Variants in NRG1 observed in about 807,000 individuals in gnomAD.
The protein encoded by NRG1 is pro-neuregulin-1, membrane-bound isoform.
Under a neutral mutation model 63.8 loss-of-function variants are expected in NRG1, and 18 were observed. The observed-to-expected ratio is 0.28, with a 90% CI of 0.19 to 0.42. NRG1 has a LOEUF of 0.42. Ranked by LOEUF, NRG1 falls within the 10% of genes least tolerant of loss-of-function variation. The pLI is 1.00. For missense variants in NRG1, 762 were observed against 814.7 expected (o/e 0.94, Z 0.79); for synonymous variants, 302 against 301.3 (o/e 1.00, Z -0.02).
chr8:31,848,866 A>G (rs940848553), intron 1 of NRG1, among the ~76,000 whole-genome samples: 1 of 152,190 alleles, frequency 6.6e-6, no homozygotes, highest in Non-Finnish European at 1.5e-5. Context: ...ACTTCATTAT[A>G]TATCACAATG....
chr8:32,155,423 G>T (rs559411348), intron 1 of NRG1, among the ~76,000 whole-genome samples: 26 of 152,020 alleles, frequency 1.7e-4, no homozygotes, highest in Non-Finnish European at 2.4e-4. Flanking sequence ...TTTCCAAGAT[G>T]AAAGGGAGAA....
At chr8:32,702,512 A>C (rs1043067833) in intron 5 of NRG1, among the ~76,000 whole-genome samples, 2 of 152,102 alleles carry the variant, frequency 1.3e-5, no homozygotes, top group Non-Finnish European at 2.9e-5. Context: ...TTTGAGGAGG[A>C]GTCTCGCCTT....
intron 5 of NRG1, among the ~76,000 whole-genome samples, chr8:32,667,316 T>C (rs1350821433): frequency 1.3e-5 from 2 of 152,226 alleles, no homozygotes; most frequent in Non-Finnish European, 2.9e-5. Flanking sequence ...AAAATGTCCT[T>C]ATATGGCACG....
chr8:32,479,810 C>T (rs1825015013), intron 1 of NRG1, among the ~76,000 whole-genome samples: 1 of 151,944 alleles, frequency 6.6e-6, no homozygotes, highest in African/African-American at 2.4e-5. Flanking sequence ...TCACCATGCC[C>T]AGCTAATTTT....
intron 1 of NRG1, among the ~76,000 whole-genome samples, chr8:32,579,195 C>CTTTT (rs71208196): frequency 9.4e-4 from 99 of 105,362 alleles, no homozygotes; most frequent in African/African-American, 1.8e-3. Context: ...TTTCTTCTGT[C>CTTTT]TTTTTTTTTT....
chr8:32,053,499 AC>A (rs1200369192), intron 1 of NRG1, among the ~76,000 whole-genome samples: 1 of 152,120 alleles, frequency 6.6e-6, no homozygotes, highest in Non-Finnish European at 1.5e-5. Context: ...GGACTTAACA[AC>A]CAGGATGAGG....
intron 1 of NRG1, among the ~76,000 whole-genome samples, chr8:32,512,149 AG>A (rs146311243): frequency 6.6e-6 from 1 of 150,946 alleles, no homozygotes; most frequent in Non-Finnish European, 1.5e-5. Flanking sequence ...AGGGGGATGG[AG>A]GGGGGAAGCT....
chr8:32,218,635 A>T (rs1350035657), intron 1 of NRG1, among the ~76,000 whole-genome samples: 2 of 152,202 alleles, frequency 1.3e-5, no homozygotes, highest in Non-Finnish European at 2.9e-5. Flanking sequence ...AGCGGCTTTC[A>T]TACTCTGAAA....
intron 1 of NRG1, among the ~76,000 whole-genome samples, chr8:32,322,355 T>TTATATATATA (rs149742517): frequency 3.8e-4 from 54 of 142,658 alleles, no homozygotes; most frequent in East Asian, 1.8e-3. Flanking sequence ...CAACCTTATT[T>TTATATATATA]TATATATATA....
chr8:31,978,660 C>T (rs181607970), intron 1 of NRG1, among the ~76,000 whole-genome samples: 1 of 151,976 alleles, frequency 6.6e-6, no homozygotes, highest in Non-Finnish European at 1.5e-5. Flanking sequence ...GGATATTTCC[C>T]TCAATCTAAA....
chr8:32,612,501 A>G (rs563369823), intron 3 of NRG1, among the ~76,000 whole-genome samples: 2 of 152,200 alleles, frequency 1.3e-5, no homozygotes, highest in Admixed American at 1.3e-4. Flanking sequence ...GGTCTCCAAG[A>G]TAAATACCTG....
At chr8:32,647,904 G>C (rs1367624728) in intron 5 of NRG1, 3 of 1,614,046 alleles carry the variant, frequency 1.9e-6, no homozygotes, top group Non-Finnish European at 2.5e-6. Flanking sequence ...TGCGTGCCTA[G>C]AAGCTGAGCG....
At chr8:31,875,034 A>G (rs1829797199) in intron 1 of NRG1, among the ~76,000 whole-genome samples, 1 of 152,210 alleles carries the variant, frequency 6.6e-6, no homozygotes, top group Non-Finnish European at 1.5e-5. Context: ...CATAGTTGCC[A>G]GCACCCTTTT....
chr8:31,816,498 T>C (rs757323221), intron 1 of NRG1, among the ~76,000 whole-genome samples: 4 of 152,248 alleles, frequency 2.6e-5, no homozygotes, highest in African/African-American at 4.8e-5. Context: ...TACAAGCATA[T>C]GAATTTCCAT....
chr8:31,999,816 T>G (rs1181417570), intron 1 of NRG1, among the ~76,000 whole-genome samples: 1 of 151,796 alleles, frequency 6.6e-6, no homozygotes, highest in Non-Finnish European at 1.5e-5. Flanking sequence ...TATAGGAAAA[T>G]TAAAGGCCAT....
chr8:31,858,500 A>G (rs183696803), intron 1 of NRG1, among the ~76,000 whole-genome samples: 77 of 152,270 alleles, frequency 5.1e-4, no homozygotes, highest in Admixed American at 1.1e-3. Context: ...TTTCTCAATC[A>G]GATTGTTACT....
intron 1 of NRG1, among the ~76,000 whole-genome samples, chr8:32,158,431 C>CTTTG (rs1838391963): frequency 1.5e-5 from 1 of 65,732 alleles, no homozygotes; most frequent in African/African-American, 4.4e-5. Flanking sequence ...GTTCGTTTCT[C>CTTTG]TTTGTTTGGT....
intron 1 of NRG1, among the ~76,000 whole-genome samples, chr8:32,037,798 G>C (rs542286377): frequency 1.5e-4 from 23 of 152,334 alleles, no homozygotes; most frequent in African/African-American, 5.5e-4. Context: ...AAAAACGGCT[G>C]ACTGGAGCAG....
At chr8:31,755,763 A>G (rs113806444) in intron 1 of NRG1, among the ~76,000 whole-genome samples, 5 of 152,226 alleles carry the variant, frequency 3.3e-5, no homozygotes, top group African/African-American at 1.2e-4. Flanking sequence ...GTCCACTGTT[A>G]TGAGAGAGAG....
Sources: gnomAD v4.1 joint callset for allele counts (sites outside exome capture counted in the v4.1 genomes callset) on GRCh38, gnomAD v4.1.1 for gene constraint, MANE v1.5 for transcripts, NCBI Gene and HGNC (gene_info 2026-07-23, HGNC 2026-07-21) for gene names.